Variants in POU3F3 observed in about 807,000 individuals in gnomAD.
The protein encoded by POU3F3 is POU domain, class 3, transcription factor 3.
POU3F3 carries 1 observed loss-of-function variant against 8.6 expected under a neutral mutation model. The observed-to-expected ratio is 0.12, with a 90% CI of 0.04 to 0.55. POU3F3 has a LOEUF of 0.55. POU3F3 is among the 20% of genes least tolerant of loss of function. The pLI is 0.91. For synonymous variants in POU3F3, 418 were observed against 327.4 expected (o/e 1.28, Z -2.99); for missense variants, 577 against 690.7 (o/e 0.84, Z 1.84).
chr2:104,920,002 T>C, the POU3F3 span, among the ~76,000 whole-genome samples: 2 of 152,098 alleles, frequency 1.3e-5, no homozygotes, highest in African/African-American at 2.4e-5. Context: ...TTTATTTATT[T>C]ATTCATTTAT....
chr2:104,888,407 TAG>T, the POU3F3 span, among the ~76,000 whole-genome samples: 1 of 152,184 alleles, frequency 6.6e-6, no homozygotes, highest in South Asian at 2.1e-4. Context: ...AGGCTGGTGG[TAG>T]AGTTTGCCAT....
At chr2:104,858,647 A>C (rs1434590228), downstream of POU3F3, 1 of 152,226 alleles carries the variant, frequency 6.6e-6, no homozygotes, top group African/African-American at 2.4e-5. Context: ...TTACTAATGA[A>C]AATCCCTAAG....
the POU3F3 span, among the ~76,000 whole-genome samples, chr2:104,886,640 G>C: frequency 6.6e-6 from 1 of 152,184 alleles, no homozygotes; most frequent in Admixed American, 6.5e-5. Flanking sequence ...AGGCGTGGTG[G>C]CTCACACCTG....
the POU3F3 span, among the ~76,000 whole-genome samples, chr2:104,889,036 C>G: frequency 6.6e-6 from 1 of 152,248 alleles, no homozygotes; most frequent in East Asian, 1.9e-4. Context: ...GCTCTGCACG[C>G]ATGAGTGGAA....
At chr2:104,904,164 T>A in the POU3F3 span, among the ~76,000 whole-genome samples, 7 of 152,190 alleles carry the variant, frequency 4.6e-5, no homozygotes, top group Non-Finnish European at 7.3e-5. Flanking sequence ...TTTGCAATAA[T>A]TTAGGTAGCC....
chr2:104,855,409 G>T lies in POU3F3; in HGVS notation c.-102G>T, dbSNP rs1379875923. ...GGGGAAGGAGGGGGGGAGGAGGCGG[G>T]AGGCGGGGGGCGCGGCGGCGGCGGC... On this transcript the variant is annotated 5_prime_UTR_variant, in exon 1 of 1. Transcript: ENST00000361360. 6.1e-6 allele frequency: 3 copies of T among 493,082 alleles called. No homozygotes were observed. The highest frequency in any genetic ancestry group is 7.7e-6 in the Non-Finnish European group (3 of 391,516). The allele number at this position is 493,082 out of a possible 1,614,324, so 30.5% of individuals were successfully genotyped here. A position where few individuals can be genotyped will look rare whatever the true frequency, so the allele number is the denominator to read the frequency against.
At chr2:104,926,408 C>G in the POU3F3 span, among the ~76,000 whole-genome samples, 1 of 152,110 alleles carries the variant, frequency 6.6e-6, no homozygotes, top group African/African-American at 2.4e-5. Flanking sequence ...CAATGAGATA[C>G]CATCTCATGC....
the POU3F3 span, chr2:104,872,234 T>A: frequency 2.2e-6 from 1 of 456,430 alleles, no homozygotes. The surrounding 1 kb of genome is among the most constrained non-coding windows in gnomAD (Gnocchi z 4.6). Flanking sequence ...CTCCCCGGCG[T>A]TCTGGACTCA....
At chr2:104,894,085 T>C in the POU3F3 span, among the ~76,000 whole-genome samples, 2 of 152,196 alleles carry the variant, frequency 1.3e-5, no homozygotes, top group Non-Finnish European at 2.9e-5. Flanking sequence ...GCTCTGCTAG[T>C]CAGCTCCATG....
Position 104,857,215 on chromosome 2 carries a change from T to G in POU3F3, c.*202T>G. The stretch of plus-strand genomic sequence containing the variant: ...CACCCAGAGACAGGCATGCCCGCCC[T>G]TGGAGGAGAAAACGCGGGAGAAACG... On this transcript the variant is annotated 3_prime_UTR_variant, in exon 1 of 1. Coordinates refer to ENST00000361360, the MANE Select transcript of POU3F3 (RefSeq NM_006236.3). 1 of 518,876 alleles carries G rather than the reference T, an allele frequency of 1.9e-6. No individual in the cohort carries two copies. Among genetic ancestry groups the G allele is most frequent in the Non-Finnish European group, 2.5e-6 (1 of 402,384 alleles). The allele number at this position is 518,876 out of a possible 1,614,324, so 32.1% of individuals were successfully genotyped here.
At chr2:104,901,331 T>C in the POU3F3 span, among the ~76,000 whole-genome samples, 3 of 152,202 alleles carry the variant, frequency 2.0e-5, no homozygotes, top group Non-Finnish European at 4.4e-5. Context: ...ATCAGTCCAA[T>C]ATCAATATAA....
At chr2:104,906,710 T>C in the POU3F3 span, among the ~76,000 whole-genome samples, 1 of 152,182 alleles carries the variant, frequency 6.6e-6, no homozygotes, top group Non-Finnish European at 1.5e-5. Context: ...TCCATATAGA[T>C]TTTGGACATT....
the POU3F3 span, among the ~76,000 whole-genome samples, chr2:104,922,717 A>G: frequency 6.6e-6 from 1 of 152,190 alleles, no homozygotes; most frequent in Non-Finnish European, 1.5e-5. Flanking sequence ...AAAAGGAGAA[A>G]AGAGAGAGAC....
At chr2:104,893,171 T>C in the POU3F3 span, among the ~76,000 whole-genome samples, 3 of 152,178 alleles carry the variant, frequency 2.0e-5, no homozygotes, top group African/African-American at 7.2e-5. Context: ...AATCACTCAA[T>C]GGTGTGCTCA....
the POU3F3 span, among the ~76,000 whole-genome samples, chr2:104,889,915 T>C: frequency 6.6e-6 from 1 of 152,212 alleles, no homozygotes; most frequent in Non-Finnish European, 1.5e-5. Context: ...GTAAGTTTTT[T>C]TTTTCACTCA....
the POU3F3 span, among the ~76,000 whole-genome samples, chr2:104,926,970 G>T: frequency 1.3e-5 from 2 of 152,154 alleles, no homozygotes; most frequent in African/African-American, 4.8e-5. Context: ...GAGGGGCTAG[G>T]GGAGGGATAG....
chr2:104,892,151 T>C, the POU3F3 span, among the ~76,000 whole-genome samples: 1 of 152,150 alleles, frequency 6.6e-6, no homozygotes, highest in Non-Finnish European at 1.5e-5. Flanking sequence ...CTGGGCCAGG[T>C]ACCCTTCACC....
Position 104,855,923 on chromosome 2 carries a change from A to AGCC in POU3F3, c.423_425dup (p.Pro144dup), listed in dbSNP as rs771043661. On this transcript the variant is annotated inframe_insertion, in exon 1 of 1. Transcript: ENST00000361360. ...GCTGGCAGCCCCCAGCAGCCACCGCAGCCGCCGCCGCCACCGCCGCAGGGC... is the reference window on the plus strand; with the variant it reads ...GCTGGCAGCCCCCAGCAGCCACCGCAGCCGCCGCCGCCGCCACCGCCGCAGGGC... 16 of 1,057,672 alleles carry AGCC rather than the reference A, an allele frequency of 1.5e-5. No individual in the cohort carries two copies. The highest frequency in any genetic ancestry group is 1.8e-5 in the Non-Finnish European group (16 of 878,042). 65.5% of individuals were successfully genotyped at this position (1,057,672 alleles called of 1,614,324 possible). A position where few individuals can be genotyped will look rare whatever the true frequency, so the allele number is the denominator to read the frequency against.
the POU3F3 span, among the ~76,000 whole-genome samples, chr2:104,870,786 G>A: frequency 1.3e-5 from 2 of 152,170 alleles, no homozygotes; most frequent in African/African-American, 4.8e-5. Flanking sequence ...AGAATGAACA[G>A]GGACTTCCAT....
Sources: allele counts gnomAD v4.1 joint callset (sites outside exome capture counted in the v4.1 genomes callset), GRCh38; gene constraint gnomAD v4.1.1; non-coding constraint Gnocchi (gnomAD v3.1); transcripts MANE v1.5; gene names NCBI Gene and HGNC (gene_info 2026-07-23, HGNC 2026-07-21).